BPIFB3: variants seen among roughly 807,000 people sequenced by gnomAD.
The protein encoded by BPIFB3 is BPI fold containing family B member 3.
In BPIFB3, 49 loss-of-function variants were observed where a neutral mutation model predicts 53.1. The ratio of observed to expected loss-of-function variants is 0.92; its 90% CI spans 0.73 to 1.17. The LOEUF (loss-of-function observed/expected upper bound fraction) is 1.17, where lower values mean the gene tolerates loss of function less well. Among genes scored for constraint, BPIFB3 ranks in the 50% most tolerant of loss-of-function variants. The probability of loss-of-function intolerance (pLI) is 0.00; values close to 1 mark genes in which losing one functional copy is unlikely to be tolerated. For synonymous variants in BPIFB3, 271 were observed against 269.6 expected (o/e 1.01, Z -0.05); for missense variants, 628 against 592.5 (o/e 1.06, Z -0.62).
At chr20:33,063,757 G>A (rs1980548812) in intron 6 of BPIFB3, 82 bp downstream of exon 7, 1 of 1,409,562 alleles carries the variant, frequency 7.1e-7, no homozygotes, top group Non-Finnish European at 9.8e-7. Flanking sequence ...ACGAAGGGGA[G>A]CCAGAAGCGG....
At chr20:33,055,863 T>G (rs1314355771) in intron 1 of BPIFB3, among the ~76,000 whole-genome samples, 5 of 152,164 alleles carry the variant, frequency 3.3e-5, no homozygotes, top group Non-Finnish European at 7.4e-5. Flanking sequence ...GGCCAGTGTC[T>G]CTGCCTCACA....
At position 33,064,451 on chromosome 20, in the gene BPIFB3, A is replaced by T; in HGVS notation, c.653-6A>T. 1 of 1,613,582 alleles carries T rather than the reference A, an allele frequency of 6.2e-7. No homozygotes were observed. The highest frequency in any genetic ancestry group is 8.5e-7 in the Non-Finnish European group (1 of 1,179,520). On this transcript the variant is annotated splice_region_variant and splice_polypyrimidine_tract_variant and intron_variant, in intron 6 of 14. Coordinates refer to ENST00000375494, the Ensembl canonical transcript of BPIFB3. ...GGGTCGTTCTCGCCCCCACTTTCCCACGCAGGCCTGGTGTCCCTTGGGGCT... is the reference window on the plus strand; with the variant it reads ...GGGTCGTTCTCGCCCCCACTTTCCCTCGCAGGCCTGGTGTCCCTTGGGGCT...
At chr20:33,071,358 G>T in intron 12 of BPIFB3, 63 bp downstream of exon 13, 1 of 1,530,280 alleles carries the variant, frequency 6.5e-7, no homozygotes. Flanking sequence ...GGCATGGAAA[G>T]GGGGTGGCCA....
chr20:33,063,559 A>T, intron 5 of BPIFB3, 56 bp from the exon 7 acceptor site: 1 of 1,578,552 alleles, frequency 6.3e-7, no homozygotes, highest in Non-Finnish European at 8.7e-7. Flanking sequence ...AAGAACATGC[A>T]GCTGTCCTCG....
At chr20:33,062,878 A>T (rs950805208) in intron 5 of BPIFB3, among the ~76,000 whole-genome samples, 7 of 152,130 alleles carry the variant, frequency 4.6e-5, no homozygotes, top group Non-Finnish European at 1.0e-4. Flanking sequence ...GCCTGACCCC[A>T]GAAATCCTGG....
chr20:33,064,782 C>A, exon 8 of BPIFB3: 1 of 1,614,136 alleles, frequency 6.2e-7, no homozygotes, highest in Non-Finnish European at 8.5e-7. Flanking sequence ...TGTACCTCTT[C>A]AACACCACGT....
chr20:33,071,226 C>G lies in BPIFB3; in HGVS notation c.1218-27C>G, dbSNP rs748616400. On this transcript the variant is annotated intron_variant, in intron 11 of 14. Transcript: ENST00000375494. ...CAGGGGTGGTTGGGGGTAGCGGGGG[C>G]CCCAGCATCTCTCTTCTCTCCACCA... The G allele has an allele frequency of 1.5e-5, 24 of 1,552,638 alleles. No individual in the cohort carries two copies. In the South Asian group the frequency reaches 2.6e-4, roughly 17 times the overall value.
At chr20:33,053,948 G>T (rs1980088364), upstream of BPIFB3, among the ~76,000 whole-genome samples, 4 of 152,306 alleles carry the variant, frequency 2.6e-5, no homozygotes, top group South Asian at 6.2e-4. Context: ...TACCCCTTGT[G>T]GAGCTGCAGG....
chr20:33,069,860 G>A, intron 10 of BPIFB3, 28 bp from the exon 12 acceptor site: 1 of 1,613,798 alleles, frequency 6.2e-7, no homozygotes. Flanking sequence ...CCGATTGGGG[G>A]TGACTTCTGC....
At chr20:33,056,600 A>C (rs1419274398) in exon 2 of BPIFB3, 1 of 1,613,904 alleles carries the variant, frequency 6.2e-7, no homozygotes, top group Non-Finnish European at 8.5e-7. Context: ...GATCGGTCAC[A>C]GCTGTGAACC....
rs1313757030 is a variant in BPIFB3, at chr20:33,059,489, G to A, written c.386+7G>A. On this transcript the variant is annotated splice_region_variant and intron_variant, in intron 3 of 14. Coordinates refer to ENST00000375494, the Ensembl canonical transcript of BPIFB3. ...TGGGCATGCATTGCTCTGGGTGAGTGTGTCCTGGGGACCTCTACCCTCCTG... is the reference window on the plus strand; with the variant it reads ...TGGGCATGCATTGCTCTGGGTGAGTATGTCCTGGGGACCTCTACCCTCCTG... 1.2e-6 allele frequency: 2 copies of A among 1,600,012 alleles called. No individual in the cohort carries two copies. The highest frequency in any genetic ancestry group is 2.2e-5 in the East Asian group (1 of 44,576).
At chr20:33,070,643 GA>G (rs1463989184) in intron 11 of BPIFB3, among the ~76,000 whole-genome samples, 2 of 152,198 alleles carry the variant, frequency 1.3e-5, no homozygotes, top group Admixed American at 1.3e-4. Flanking sequence ...GCTGAGACCT[GA>G]CGTCCTACGC....
chr20:33,054,844 TCAA>T (rs1245689980), upstream of BPIFB3, among the ~76,000 whole-genome samples: 1 of 152,204 alleles, frequency 6.6e-6, no homozygotes, highest in Admixed American at 6.5e-5. Context: ...ATTCCCTTTT[TCAA>T]CAAGATTTGG....
downstream of BPIFB3, chr20:33,073,663 T>C: frequency 1.3e-6 from 2 of 1,593,478 alleles, no homozygotes; most frequent in Non-Finnish European, 1.7e-6. Flanking sequence ...CTGTCTACTC[T>C]GCCTCAATTT....
intron 8 of BPIFB3, among the ~76,000 whole-genome samples, chr20:33,066,220 G>A (rs781644340): frequency 1.4e-4 from 22 of 152,158 alleles, no homozygotes; most frequent in Non-Finnish European, 2.9e-4. Flanking sequence ...ATAGTGAACT[G>A]GAGACCCTGT....
At chr20:33,059,556 G>C (rs1169453775) in intron 3 of BPIFB3, 74 bp downstream of exon 4, 3 of 1,106,622 alleles carry the variant, frequency 2.7e-6, no homozygotes, top group Non-Finnish European at 4.0e-6. Flanking sequence ...CTCCTACTCT[G>C]CTGTCCCCCC....
chr20:33,065,881 C>T (rs2146388072), intron 8 of BPIFB3, among the ~76,000 whole-genome samples: 1 of 152,296 alleles, frequency 6.6e-6, no homozygotes, highest in East Asian at 1.9e-4. Context: ...CTCTGGGAGG[C>T]TGGAACAGGA....
chr20:33,069,511 G>A (rs1171386747), intron 10 of BPIFB3, among the ~76,000 whole-genome samples: 2 of 152,122 alleles, frequency 1.3e-5, no homozygotes, highest in East Asian at 1.9e-4. Context: ...TGGCTTGTCT[G>A]TGCTAGGTCC....
At chr20:33,056,602 C>T (rs1187160760) in exon 2 of BPIFB3, 1 of 1,613,996 alleles carries the variant, frequency 6.2e-7, no homozygotes, top group South Asian at 1.1e-5. Flanking sequence ...TCGGTCACAG[C>T]TGTGAACCGG....
Sources: gnomAD v4.1 joint callset for allele counts (sites outside exome capture counted in the v4.1 genomes callset) on GRCh38, gnomAD v4.1.1 for gene constraint, MANE v1.5 for transcripts, NCBI Gene and HGNC (gene_info 2026-07-23, HGNC 2026-07-21) for gene names.